MAP3K13: variants seen among roughly 807,000 people sequenced by gnomAD.
The protein encoded by MAP3K13 is leucine zipper-bearing kinase.
Under a neutral mutation model 104.0 loss-of-function variants are expected in MAP3K13, and 52 were observed. The observed-to-expected ratio is 0.50, with a 90% confidence interval of 0.40 to 0.63. MAP3K13 has a LOEUF of 0.63. MAP3K13 is among the 20% of genes least tolerant of loss of function. MAP3K13 has a pLI of 0.00. For synonymous variants in MAP3K13, 394 were observed against 442.2 expected (o/e 0.89, Z 1.37); for missense variants, 914 against 1,218.5 (o/e 0.75, Z 3.72).
chr3:185,477,823 G>C (rs1718216480), intron 12 of MAP3K13, among the ~76,000 whole-genome samples: 1 of 152,154 alleles, frequency 6.6e-6, no homozygotes, highest in Admixed American at 6.5e-5. Context: ...CAAGATCAAG[G>C]TTCTAGCTGA....
intron 7 of MAP3K13, among the ~76,000 whole-genome samples, chr3:185,457,589 G>A (rs1469370452): frequency 6.6e-6 from 1 of 152,116 alleles, no homozygotes; most frequent in Non-Finnish European, 1.5e-5. Context: ...CTTCCCCAAA[G>A]CCCCACCTCC....
chr3:185,310,350 T>TA (rs1382324781), intron 2 of MAP3K13, among the ~76,000 whole-genome samples: 1 of 152,020 alleles, frequency 6.6e-6, no homozygotes, highest in African/African-American at 2.4e-5. Context: ...TGGAATTCTA[T>TA]AAAAAATTAT....
At chr3:185,406,590 A>G (rs1245824372) in intron 1 of MAP3K13, among the ~76,000 whole-genome samples, 1 of 152,194 alleles carries the variant, frequency 6.6e-6, no homozygotes, top group African/African-American at 2.4e-5. Context: ...TATGTAGGCT[A>G]AGGGAAAAAG....
rs1363411932 is a variant in MAP3K13, at chr3:185,415,451, C to T, written c.-85-13046C>T. On this transcript the variant is annotated intron_variant, in intron 1 of 13. Coordinates refer to ENST00000265026, the MANE Select transcript of MAP3K13 (RefSeq NM_004721.5). Reference sequence around the variant, plus strand: ...GGGATTACAGGTATGAGCCACCATGCCCTGCCCTGGTCTAATTATTCTTAT... The same window carrying T: ...GGGATTACAGGTATGAGCCACCATGTCCTGCCCTGGTCTAATTATTCTTAT... 2.6e-5 allele frequency among the ~76,000 whole-genome samples: 4 copies of T among 152,060 alleles called. No individual in the cohort carries two copies. In the East Asian group the frequency reaches 7.7e-4, roughly 29 times the overall value.
intron 2 of MAP3K13, among the ~76,000 whole-genome samples, chr3:185,342,393 C>G (rs927214685): frequency 6.6e-6 from 1 of 152,146 alleles, no homozygotes; most frequent in Non-Finnish European, 1.5e-5. Flanking sequence ...ATGCCACAGG[C>G]TTTTGCTATT....
intron 2 of MAP3K13, among the ~76,000 whole-genome samples, chr3:185,319,860 CAG>C: frequency 6.6e-6 from 1 of 152,158 alleles, no homozygotes; most frequent in Non-Finnish European, 1.5e-5. Context: ...AATGTGACAG[CAG>C]AGAGTTGTAG....
intron 2 of MAP3K13, among the ~76,000 whole-genome samples, chr3:185,306,581 TG>T (rs1721293690): frequency 6.6e-6 from 1 of 152,246 alleles, no homozygotes; most frequent in African/African-American, 2.4e-5. Context: ...TGTCTTGTTT[TG>T]AGAAGTGTCT....
intron 1 of MAP3K13, among the ~76,000 whole-genome samples, chr3:185,371,641 A>G (rs994970860): frequency 6.6e-6 from 1 of 152,256 alleles, no homozygotes; most frequent in East Asian, 1.9e-4. Context: ...AAGGTAGCCA[A>G]AGATGAAGGA....
In MAP3K13 at chr3:185,473,830, C is replaced by T; in HGVS notation, c.2430+69C>T. On this transcript the variant is annotated intron_variant, in intron 11 of 13. Transcript: ENST00000265026. The surrounding 1 kb of genome is among the most constrained non-coding windows in gnomAD (Gnocchi z 4.9). ...GAATGCCAGAGCCTGTCATGTTATA[C>T]ACATTAGAGAGCATATGTAAAAAGT... The T allele has an allele frequency of 2.1e-6, 3 of 1,427,626 alleles. No homozygotes were observed. Among genetic ancestry groups the T allele is most frequent in the Non-Finnish European group, 2.8e-6 (3 of 1,054,618 alleles). 88.4% of individuals were successfully genotyped at this position (1,427,626 alleles called of 1,614,324 possible). A position where few individuals can be genotyped will look rare whatever the true frequency, so the allele number is the denominator to read the frequency against.
At chr3:185,330,524 G>C (rs1722226428) in intron 2 of MAP3K13, among the ~76,000 whole-genome samples, 1 of 152,112 alleles carries the variant, frequency 6.6e-6, no homozygotes, top group Admixed American at 6.6e-5. Flanking sequence ...AATAGCTTCT[G>C]CTGGGCCAAG....
intron 4 of MAP3K13, among the ~76,000 whole-genome samples, chr3:185,446,215 GCCT>G (rs1715582719): frequency 6.6e-6 from 1 of 151,998 alleles, no homozygotes; most frequent in East Asian, 1.9e-4. Flanking sequence ...CTGCCTTACA[GCCT>G]CCTCAATTCT....
chr3:185,310,948 G>C (rs1486058101), intron 2 of MAP3K13, among the ~76,000 whole-genome samples: 1 of 152,182 alleles, frequency 6.6e-6, no homozygotes, highest in Non-Finnish European at 1.5e-5. Context: ...TCACATTCCA[G>C]AACACATCCA....
At chr3:185,391,298 A>G (rs1476797626) in intron 1 of MAP3K13, among the ~76,000 whole-genome samples, 1 of 152,182 alleles carries the variant, frequency 6.6e-6, no homozygotes, top group Non-Finnish European at 1.5e-5. Flanking sequence ...TACTGTAAGT[A>G]CCACATATAA....
intron 2 of MAP3K13, among the ~76,000 whole-genome samples, chr3:185,322,017 C>T (rs528005843): frequency 6.6e-6 from 1 of 152,196 alleles, no homozygotes; most frequent in South Asian, 2.1e-4. Flanking sequence ...AATTTATAGC[C>T]CTAGAAATAG....
At chr3:185,355,407 C>T (rs1723309821) in intron 2 of MAP3K13, among the ~76,000 whole-genome samples, 1 of 150,650 alleles carries the variant, frequency 6.6e-6, no homozygotes, top group Non-Finnish European at 1.5e-5. Context: ...GCGGAGGTTG[C>T]AGTGAGCCAA....
intron 1 of MAP3K13, among the ~76,000 whole-genome samples, chr3:185,372,448 C>G (rs1159054537): frequency 6.6e-6 from 1 of 152,112 alleles, no homozygotes; most frequent in Non-Finnish European, 1.5e-5. Context: ...TCTCAAAGAC[C>G]TAGAGACAGA....
upstream of MAP3K13, among the ~76,000 whole-genome samples, chr3:185,360,486 A>G (rs143140287): frequency 6.6e-6 from 1 of 152,250 alleles, no homozygotes; most frequent in Non-Finnish European, 1.5e-5. Flanking sequence ...TATATCTTCC[A>G]TAATTTGGTG....
Position 185,437,538 on chromosome 3 carries a change from G to A in MAP3K13, c.567G>A (p.Ala189=), listed in dbSNP as rs199761257. The A allele has an allele frequency of 1.9e-4, 310 of 1,614,010 alleles. 4 individuals carry two copies. Among genetic ancestry groups the A allele is most frequent in the South Asian group, 1.4e-3 (131 of 91,066 alleles). The change falls in exon 3 of 14, where the codon GCG becomes GCA. Residue 189 remains alanine, a synonymous_variant. Coordinates refer to ENST00000265026, the MANE Select transcript of MAP3K13 (RefSeq NM_004721.5). ...CGGTCTTCTTGGGCAAGTTCCGGGCGGAAGAGGTGGCCATCAAGAAAGTGA... is the reference window on the plus strand; with the variant it reads ...CGGTCTTCTTGGGCAAGTTCCGGGCAGAAGAGGTGGCCATCAAGAAAGTGA... ...QGAVFLGKFR[A]EEVAIKKVRE...
chr3:185,451,976 A>C (rs917385951), intron 7 of MAP3K13, among the ~76,000 whole-genome samples: 1 of 152,164 alleles, frequency 6.6e-6, no homozygotes, highest in African/African-American at 2.4e-5. Flanking sequence ...GAGAAAAAGA[A>C]GATAAGAAAG....
Sources: gnomAD v4.1 joint callset for allele counts (sites outside exome capture counted in the v4.1 genomes callset) on GRCh38, gnomAD v4.1.1 for gene constraint, Gnocchi (gnomAD v3.1) non-coding constraint, MANE v1.5 for transcripts, NCBI Gene and HGNC (gene_info 2026-07-23, HGNC 2026-07-21) for gene names.